TTLL5: variants seen among roughly 807,000 people sequenced by gnomAD.
TTLL5 encodes tubulin tyrosine ligase like 5.
A neutral mutation model predicts 168.4 loss-of-function variants in TTLL5; 132 were observed. That is an observed-to-expected ratio of 0.78 (90% CI 0.68 to 0.91). The LOEUF (loss-of-function observed/expected upper bound fraction) is 0.91, where lower values mean the gene tolerates loss of function less well. Ranked by LOEUF, TTLL5 falls within the 40% of genes least tolerant of loss-of-function variation. TTLL5 has a pLI of 0.00. For missense variants in TTLL5, 1,545 were observed against 1,581.5 expected, an observed-to-expected ratio of 0.98 and a Z score of 0.39; for synonymous variants, 546 against 558.6, an observed-to-expected ratio of 0.98 and a Z score of 0.32.
chr14:75,823,822 G>A (rs1894968164), intron 28 of TTLL5, among the ~76,000 whole-genome samples: 1 of 152,126 alleles, frequency 6.6e-6, no homozygotes, highest in Non-Finnish European at 1.5e-5. Flanking sequence ...AAATGCCACC[G>A]AGGAGTGGGA....
chr14:75,841,988 A>G (rs192586566), intron 28 of TTLL5, among the ~76,000 whole-genome samples: 68 of 152,328 alleles, frequency 4.5e-4, no homozygotes, highest in African/African-American at 1.6e-3. Context: ...TTTTGAAAGT[A>G]TGAATGTGCC....
chr14:75,735,380 A>C, intron 15 of TTLL5, 91 bp downstream of exon 15: 1 of 1,236,300 alleles, frequency 8.1e-7, no homozygotes, highest in South Asian at 1.2e-5. Context: ...TGTGGGTATG[A>C]GGTCACTTAG....
At chr14:75,951,672 G>C (rs1461526028) in intron 31 of TTLL5, among the ~76,000 whole-genome samples, 2 of 152,174 alleles carry the variant, frequency 1.3e-5, no homozygotes, top group Non-Finnish European at 2.9e-5. Flanking sequence ...TGAGGTGGGA[G>C]GATTGCCTGA....
intron 9 of TTLL5, chr14:75,709,396 G>T: frequency 1.8e-6 from 1 of 543,214 alleles, no homozygotes; most frequent in Non-Finnish European, 3.3e-6. Context: ...TGTTCCGTTC[G>T]CCTCTAGGTG....
At chr14:75,892,557 C>T (rs183594480) in intron 30 of TTLL5, among the ~76,000 whole-genome samples, 42 of 152,200 alleles carry the variant, frequency 2.8e-4, no homozygotes, top group Non-Finnish European at 4.6e-4. Context: ...TGGGGGAGTG[C>T]GACTGGCATC....
chr14:75,842,632 GC>G (rs1398578221), intron 28 of TTLL5, among the ~76,000 whole-genome samples: 2 of 151,994 alleles, frequency 1.3e-5, no homozygotes, highest in African/African-American at 4.8e-5. Context: ...AATGAAAAAA[GC>G]TTAAGGAAAA....
At chr14:75,908,585 C>G (rs1420352370) in intron 31 of TTLL5, among the ~76,000 whole-genome samples, 2 of 152,120 alleles carry the variant, frequency 1.3e-5, no homozygotes, top group Non-Finnish European at 2.9e-5. Context: ...AGAAAAACGT[C>G]AGTTGTCCTT....
intron 15 of TTLL5, 58 bp downstream of exon 15, chr14:75,735,347 T>C (rs1888815204): frequency 6.4e-7 from 1 of 1,554,426 alleles, no homozygotes; most frequent in South Asian, 1.1e-5. Context: ...TGGCGGCTGA[T>C]GTAACTGTGG....
chr14:75,799,331 T>C (rs866108995), intron 27 of TTLL5, among the ~76,000 whole-genome samples: 1 of 152,246 alleles, frequency 6.6e-6, no homozygotes, highest in South Asian at 2.1e-4. Flanking sequence ...TGGAATATCT[T>C]TTTTCACTCC....
At chr14:75,694,320 G>C (rs186212968) in intron 6 of TTLL5, among the ~76,000 whole-genome samples, 90 of 152,280 alleles carry the variant, frequency 5.9e-4, no homozygotes, top group Non-Finnish European at 1.2e-3. Context: ...TTTAATCATA[G>C]TGAAGCACCA....
At chr14:75,851,095 C>CAAAAAAA (rs35393032) in intron 28 of TTLL5, among the ~76,000 whole-genome samples, 1 of 95,952 alleles carries the variant, frequency 1.0e-5, no homozygotes, top group African/African-American at 4.2e-5. Context: ...GACCTTGTCT[C>CAAAAAAA]AAAAAAAAAA....
intron 31 of TTLL5, among the ~76,000 whole-genome samples, chr14:75,933,032 GT>G (rs1013275612): frequency 3.7e-4 from 57 of 152,310 alleles, no homozygotes; most frequent in African/African-American, 1.3e-3. Flanking sequence ...TCAGAGAAAA[GT>G]TTAAGTAGCC....
At chr14:75,897,566 T>C (rs1480793447) in intron 30 of TTLL5, among the ~76,000 whole-genome samples, 2 of 152,188 alleles carry the variant, frequency 1.3e-5, no homozygotes, top group Non-Finnish European at 2.9e-5. Flanking sequence ...AACCTCTGCC[T>C]CCTGGGTTCA....
intron 25 of TTLL5, 76 bp downstream of exon 25, chr14:75,782,649 T>A: frequency 8.3e-7 from 1 of 1,200,902 alleles, no homozygotes; most frequent in Non-Finnish European, 1.2e-6. Context: ...CATCAGATAT[T>A]AAATATTTCT....
chr14:75,683,657 G>A lies in TTLL5; in HGVS notation c.371+1G>A. Reference sequence around the variant, plus strand: ...CACAAAAAGTTAATCACTTTCCCAGGTAATGCTCTTTGTAGCTGCTTTGCT... The same window carrying A: ...CACAAAAAGTTAATCACTTTCCCAGATAATGCTCTTTGTAGCTGCTTTGCT... On this transcript the variant is annotated splice_donor_variant, in intron 5 of 31. Transcript: ENST00000298832. LOFTEE classifies it high-confidence loss of function. The A allele has an allele frequency of 6.2e-7, 1 of 1,611,716 alleles. No individual in the cohort carries two copies. Among genetic ancestry groups the A allele is most frequent in the Non-Finnish European group, 8.5e-7 (1 of 1,177,976 alleles).
rs769749059 is a variant in TTLL5, at chr14:75,775,477, T to C, written c.2137-7T>C. The stretch of plus-strand genomic sequence containing the variant: ...TTTTTTTTCTCCCACGACTCTTTAA[T>C]TTATAGGAGCTGGTTGTTCGTTTCC... On this transcript the variant is annotated splice_region_variant and splice_polypyrimidine_tract_variant and intron_variant, in intron 21 of 31. Transcript: ENST00000298832. The C allele has an allele frequency of 3.1e-6, 5 of 1,613,524 alleles. No homozygotes were observed. The Admixed American group carries it at 6.7e-5, about 22-fold the overall frequency.
At chr14:75,854,263 G>A (rs1316295400) in intron 28 of TTLL5, among the ~76,000 whole-genome samples, 1 of 152,072 alleles carries the variant, frequency 6.6e-6, no homozygotes, top group Non-Finnish European at 1.5e-5. Context: ...GCCTGTTCAT[G>A]AATGGAATCA....
At chr14:75,844,028 G>A (rs1338623896) in intron 28 of TTLL5, among the ~76,000 whole-genome samples, 1 of 151,740 alleles carries the variant, frequency 6.6e-6, no homozygotes, top group Admixed American at 6.6e-5. Flanking sequence ...GAGTAGCTGG[G>A]TCTACCACTA....
chr14:75,668,825 G>A (rs1227179074), intron 2 of TTLL5, among the ~76,000 whole-genome samples: 3 of 152,152 alleles, frequency 2.0e-5, no homozygotes, highest in Non-Finnish European at 4.4e-5. Context: ...GATTCTTTAT[G>A]TGTGCAAAGG....
Sources: gnomAD v4.1 joint callset for allele counts (sites outside exome capture counted in the v4.1 genomes callset) on GRCh38, gnomAD v4.1.1 for gene constraint, MANE v1.5 for transcripts, NCBI Gene and HGNC (gene_info 2026-07-23, HGNC 2026-07-21) for gene names.